The following IGFBP2 variants were observed in gnomAD, a reference collection of about 807,000 sequenced individuals.
IGFBP2 encodes the protein insulin like growth factor binding protein 2.
In IGFBP2, 12 loss-of-function variants were observed where a neutral mutation model predicts 26.2. That is an observed-to-expected ratio of 0.46 (90% confidence interval 0.29 to 0.74). The LOEUF (loss-of-function observed/expected upper bound fraction) is 0.74. Among genes scored for constraint, IGFBP2 ranks in the 30% least tolerant of loss-of-function variants. The pLI, the probability that IGFBP2 is intolerant of heterozygous loss-of-function variation, is 0.09. For synonymous variants in IGFBP2, 189 were observed against 200.6 expected (o/e 0.94, Z 0.49); for missense variants, 328 against 441.2 (o/e 0.74, Z 2.30).
chr2:216,643,153 C>T (rs1293506266), intron 1 of IGFBP2, among the ~76,000 whole-genome samples: 2 of 152,192 alleles, frequency 1.3e-5, no homozygotes, highest in African/African-American at 4.8e-5. Flanking sequence ...TGCCAGAATG[C>T]ACTGAACTTG....
intron 1 of IGFBP2, chr2:216,659,831 A>C: frequency 9.2e-7 from 1 of 1,088,476 alleles, no homozygotes. Flanking sequence ...GGCTGCACAG[A>C]CAGACTTGGG....
chr2:216,633,298 A>G (rs535869762), upstream of IGFBP2: 1 of 145,054 alleles, frequency 6.9e-6, no homozygotes, highest in African/African-American at 2.6e-5. Flanking sequence ...GCGTGCGCGC[A>G]CTCACTTGCC....
intron 1 of IGFBP2, among the ~76,000 whole-genome samples, chr2:216,638,052 G>A (rs1697534393): frequency 6.6e-6 from 1 of 152,128 alleles, no homozygotes; most frequent in African/African-American, 2.4e-5. Flanking sequence ...GCTGGGCATG[G>A]TGGAGCATGC....
chr2:216,645,494 C>T (rs935031588), intron 1 of IGFBP2, among the ~76,000 whole-genome samples: 4 of 152,172 alleles, frequency 2.6e-5, no homozygotes, highest in Admixed American at 2.0e-4. Context: ...AGTTGGCCTC[C>T]AGCTCTATAG....
At chr2:216,647,769 C>T (rs914499299) in intron 1 of IGFBP2, among the ~76,000 whole-genome samples, 9 of 152,200 alleles carry the variant, frequency 5.9e-5, no homozygotes. Context: ...ATCTGCCCGC[C>T]TTGGCCTCCC....
At chr2:216,661,489 GC>G (rs141862331) in intron 2 of IGFBP2, 5,557 of 372,108 alleles carry the variant, frequency 0.015, 282 homozygotes, top group African/African-American at 0.11. Flanking sequence ...TTGGGTCCTG[GC>G]CCTGGTTGGT....
intron 1 of IGFBP2, among the ~76,000 whole-genome samples, chr2:216,640,696 C>T (rs1285304056): frequency 1.3e-5 from 2 of 152,230 alleles, no homozygotes; most frequent in Non-Finnish European, 2.9e-5. Flanking sequence ...ACCCCTCTAC[C>T]TCCGTGGCCG....
intron 1 of IGFBP2, among the ~76,000 whole-genome samples, chr2:216,659,062 G>T (rs1214091603): frequency 2.6e-5 from 4 of 152,176 alleles, no homozygotes; most frequent in Admixed American, 6.5e-5. Context: ...TGGGGACGGC[G>T]TGCTGGCTTC....
At chr2:216,658,576 G>A (rs1697963447) in intron 1 of IGFBP2, among the ~76,000 whole-genome samples, 1 of 151,570 alleles carries the variant, frequency 6.6e-6, no homozygotes. Flanking sequence ...TTGAGGCAGT[G>A]TCTTGCTCTG....
At chr2:216,645,286 G>A (rs1347232378) in intron 1 of IGFBP2, among the ~76,000 whole-genome samples, 1 of 152,196 alleles carries the variant, frequency 6.6e-6, no homozygotes, top group African/African-American at 2.4e-5. Context: ...CGGTTGAGTA[G>A]GGCTGCTGAC....
intron 1 of IGFBP2, among the ~76,000 whole-genome samples, chr2:216,653,307 A>G (rs1193127137): frequency 6.6e-6 from 1 of 152,234 alleles, no homozygotes; most frequent in Non-Finnish European, 1.5e-5. Context: ...GTCCGTTTCT[A>G]TCAAACACAA....
chr2:216,657,141 GAGACTTTCT>G (rs916538018), intron 1 of IGFBP2, among the ~76,000 whole-genome samples: 10 of 152,176 alleles, frequency 6.6e-5, no homozygotes, highest in African/African-American at 2.4e-4. Flanking sequence ...TGGGAGTGGG[GAGACTTTCT>G]AGCTACTTTG....
rs753666809 is a variant in IGFBP2, at chr2:216,664,023, C to G, written c.897C>G (p.Thr299=). ...GGAAGCTGATCCAGGGAGCCCCCAC[C>G]ATCCGGGGGGACCCCGAGTGTCATC... is the stretch of plus-strand genomic sequence containing the variant. ...NTGKLIQGAP[T]IRGDPECHLF... The change falls in exon 4 of 4, where the codon ACC becomes ACG. Residue 299 remains threonine, a synonymous_variant. Coordinates refer to ENST00000233809, the MANE Select transcript of IGFBP2 (RefSeq NM_000597.3). The surrounding 1 kb of genome is among the most constrained non-coding windows in gnomAD (Gnocchi z 4.6). 2.5e-6 allele frequency: 4 copies of G among 1,614,084 alleles called. No homozygotes were observed. In the East Asian group the frequency reaches 8.9e-5, roughly 36 times the overall value.
At chr2:216,650,516 C>T (rs1697798477) in intron 1 of IGFBP2, among the ~76,000 whole-genome samples, 1 of 152,222 alleles carries the variant, frequency 6.6e-6, no homozygotes, top group Non-Finnish European at 1.5e-5. Flanking sequence ...GCTCTCTGCC[C>T]TCCCTTGGTG....
chr2:216,657,121 A>G (rs1427253952), intron 1 of IGFBP2, among the ~76,000 whole-genome samples: 2 of 152,016 alleles, frequency 1.3e-5, no homozygotes, highest in East Asian at 3.9e-4. Flanking sequence ...CTATGTTCCA[A>G]TGCAGGTGGT....
intron 1 of IGFBP2, among the ~76,000 whole-genome samples, chr2:216,652,170 ATTTTTTT>A (rs1165765392): frequency 2.3e-5 from 3 of 130,954 alleles, no homozygotes; most frequent in African/African-American, 8.5e-5. Flanking sequence ...TTTTAGCAGA[ATTTTTTT>A]TTTTTTTTTT....
chr2:216,654,990 C>T (rs1259637428), intron 1 of IGFBP2, among the ~76,000 whole-genome samples: 3 of 152,078 alleles, frequency 2.0e-5, no homozygotes, highest in African/African-American at 7.2e-5. Flanking sequence ...ATCTGTGGGC[C>T]CTGGACACTG....
chr2:216,639,551 GAAAA>G (rs9341125), intron 1 of IGFBP2, among the ~76,000 whole-genome samples: 1 of 129,502 alleles, frequency 7.7e-6, no homozygotes, highest in Admixed American at 8.1e-5. Context: ...CAAAAGAAAA[GAAAA>G]AAGCTTGTTT....
At chr2:216,662,933 C>T (rs1688686826) in intron 3 of IGFBP2, 1 of 152,222 alleles carries the variant, frequency 6.6e-6, no homozygotes, top group Non-Finnish European at 1.5e-5. Flanking sequence ...CCCACCTCGA[C>T]CTCCCAAAGT....
Sources: gnomAD v4.1 joint callset for allele counts (sites outside exome capture counted in the v4.1 genomes callset) on GRCh38, gnomAD v4.1.1 for gene constraint, Gnocchi (gnomAD v3.1) non-coding constraint, MANE v1.5 for transcripts, NCBI Gene and HGNC (gene_info 2026-07-23, HGNC 2026-07-21) for gene names.